Variants in LMNA observed in about 807,000 individuals in gnomAD.
The protein encoded by LMNA is lamin A/C, also known as lamin.
Under a neutral mutation model 70.4 loss-of-function variants are expected in LMNA, and 20 were observed. The ratio of observed to expected loss-of-function variants is 0.28; its 90% confidence interval spans 0.20 to 0.41. The LOEUF (loss-of-function observed/expected upper bound fraction) is 0.41, where lower values mean the gene tolerates loss of function less well. Ranked by LOEUF, LMNA falls within the 10% of genes least tolerant of loss-of-function variation. The pLI, the probability that LMNA is intolerant of heterozygous loss-of-function variation, is 1.00. For missense variants in LMNA, 652 were observed against 917.2 expected (o/e 0.71, Z 3.73); for synonymous variants, 339 against 372.8 (o/e 0.91, Z 1.04).
intron 1 of LMNA, among the ~76,000 whole-genome samples, chr1:156,127,431 T>A (rs566443804): frequency 1.3e-4 from 20 of 151,952 alleles, no homozygotes; most frequent in African/African-American, 4.6e-4. Flanking sequence ...CTGCAGGGTG[T>A]GTCTTAGTCC....
chr1:156,134,691 G>T lies in LMNA; in HGVS notation c.640-114G>T. The T allele has an allele frequency of 6.4e-7, 1 of 1,551,900 alleles. No homozygotes were observed. The highest frequency in any genetic ancestry group is 8.9e-7 in the Non-Finnish European group (1 of 1,126,408). On this transcript the variant is annotated intron_variant, in intron 3 of 11. Coordinates refer to ENST00000368300, the MANE Select transcript of LMNA (RefSeq NM_170707.4). This position sits in a 1 kb window ranked among gnomAD's most constrained non-coding sequence, Gnocchi z 5.3. ...AGCACTCAGCTCCCAGGTTAAAGTG[G>T]GGCTGGTAGTGGCTCATGGAGTAGG...
upstream of LMNA, among the ~76,000 whole-genome samples, chr1:156,111,359 G>A (rs1160844062): frequency 1.3e-5 from 2 of 150,830 alleles, no homozygotes; most frequent in Non-Finnish European, 3.0e-5. Context: ...TAAGGCAGGA[G>A]AAGCGCTTGA....
At chr1:156,126,764 C>T (rs913927042) in intron 1 of LMNA, 3 of 1,582,886 alleles carry the variant, frequency 1.9e-6, no homozygotes, top group East Asian at 2.3e-5. Context: ...GAGTTAGAAA[C>T]AGGATGCCCA....
upstream of LMNA, among the ~76,000 whole-genome samples, chr1:156,114,411 A>G (rs1349909678): frequency 6.7e-6 from 1 of 149,708 alleles, no homozygotes; most frequent in Non-Finnish European, 1.5e-5. Flanking sequence ...CCTTTTGCCC[A>G]CCCACTCTCC....
rs1050381477 is a variant in LMNA at position 156,135,461 on chromosome 1, G to A, written c.936+149G>A. The A allele has an allele frequency of 1.3e-5, 13 of 1,016,484 alleles. No individual in the cohort carries two copies. The highest frequency in any genetic ancestry group is 6.9e-5 in the South Asian group (5 of 72,148). 63.0% of individuals were successfully genotyped at this position (1,016,484 alleles called of 1,614,324 possible). A position where few individuals can be genotyped will look rare whatever the true frequency, so the allele number is the denominator to read the frequency against. On this transcript the variant is annotated intron_variant, in intron 5 of 11. Coordinates refer to ENST00000368300, the MANE Select transcript of LMNA (RefSeq NM_170707.4). This position sits in a 1 kb window ranked among gnomAD's most constrained non-coding sequence, Gnocchi z 4.8. ...GTCCCCACAACCACAGAGAAGGGTCGCAGGATGTGGAGTCAGATGGCCTGT... is the reference window on the plus strand; with the variant it reads ...GTCCCCACAACCACAGAGAAGGGTCACAGGATGTGGAGTCAGATGGCCTGT...
At chr1:156,106,328 T>A (rs951125341) in intron 3 of LMNA, among the ~76,000 whole-genome samples, 1 of 152,180 alleles carries the variant, frequency 6.6e-6, no homozygotes, top group African/African-American at 2.4e-5. Flanking sequence ...GAGGGGGCCC[T>A]CTCCTCCAGC....
Position 156,139,153 on chromosome 1 carries a change from T to G in LMNA, c.*47T>G. The stretch of plus-strand genomic sequence containing the variant: ...GTGGGGGTGGAGGCTTCCTGCGTCC[T>G]CCTCACCTCATGCCCACCCCCTGCC... On this transcript the variant is annotated 3_prime_UTR_variant, in exon 12 of 12. Transcript: ENST00000368300. The G allele has an allele frequency of 6.2e-7, 1 of 1,612,716 alleles. No individual in the cohort carries two copies. Among genetic ancestry groups the G allele is most frequent in the South Asian group, 1.1e-5 (1 of 91,066 alleles).
At chr1:156,128,610 G>C (rs929925012) in intron 1 of LMNA, among the ~76,000 whole-genome samples, 2 of 152,208 alleles carry the variant, frequency 1.3e-5, no homozygotes, top group African/African-American at 4.8e-5. Flanking sequence ...TTGTGGCTTA[G>C]GAAAGCAGTG....
upstream of LMNA, among the ~76,000 whole-genome samples, chr1:156,112,537 C>T (rs563066597): frequency 3.3e-5 from 5 of 152,308 alleles, no homozygotes; most frequent in East Asian, 9.6e-4. Context: ...GAACCCTTCC[C>T]TCACGTTTCA....
At chr1:156,122,866 G>T (rs1650291446) in intron 1 of LMNA, among the ~76,000 whole-genome samples, 1 of 152,214 alleles carries the variant, frequency 6.6e-6, no homozygotes, top group Non-Finnish European at 1.5e-5. Context: ...CTGGGAGGAG[G>T]TCTTGGCCCC....
chr1:156,119,487 C>T (rs1274962217), intron 1 of LMNA, among the ~76,000 whole-genome samples: 1 of 152,236 alleles, frequency 6.6e-6, no homozygotes, highest in Non-Finnish European at 1.5e-5. Context: ...CTCCTAGGCT[C>T]AAGTAATCCA....
chr1:156,138,161 C>T lies in LMNA; in HGVS notation c.1699-327C>T. 1 of 545,282 alleles carries T rather than the reference C, an allele frequency of 1.8e-6. No homozygotes were observed. The highest frequency in any genetic ancestry group is 3.3e-6 in the Non-Finnish European group (1 of 303,470). The allele number at this position is 545,282 out of a possible 1,614,324, so 33.8% of individuals were successfully genotyped here. A position where few individuals can be genotyped will look rare whatever the true frequency, so the allele number is the denominator to read the frequency against. ...CTCATTCCTGACCGCCCCTCCACTCCAATTAATAGTGCATGCCTGCTGCCC... is the reference window on the plus strand; with the variant it reads ...CTCATTCCTGACCGCCCCTCCACTCTAATTAATAGTGCATGCCTGCTGCCC... On this transcript the variant is annotated intron_variant, in intron 10 of 11. Transcript: ENST00000368300. The surrounding 1 kb of genome is among the most constrained non-coding windows in gnomAD (Gnocchi z 5.5).
Position 156,103,700 on chromosome 1 carries a change from T to C in LMNA, c.-206-11013T>C, listed in dbSNP as rs1410566815. Among the ~76,000 whole-genome samples the C allele has an allele frequency of 6.6e-6, 1 of 152,118 alleles. No homozygotes were observed. Among genetic ancestry groups the C allele is most frequent in the Non-Finnish European group, 1.5e-5 (1 of 68,004 alleles). ...TCTGACTAATCCTTTCCATCGGCAG[T>C]GGCATGTCCTGCCCCTGCTGTGCCT... On this transcript the variant is annotated intron_variant, in intron 3 of 12. Transcript: ENST00000368301. The surrounding 1 kb of genome is among the most constrained non-coding windows in gnomAD (Gnocchi z 4.7).
At position 156,137,487 on chromosome 1, in the gene LMNA, T is replaced by G. The variant is rs1002920791; in HGVS notation, c.1609-167T>G. Reference sequence around the variant, plus strand: ...CCCGGAGAGCTTGACAGTGTCCCTCTGGGGTGGAAATGAGTTCCTTAGCTC... The same window carrying G: ...CCCGGAGAGCTTGACAGTGTCCCTCGGGGGTGGAAATGAGTTCCTTAGCTC... On this transcript the variant is annotated intron_variant, in intron 9 of 11. Transcript: ENST00000368300. This position sits in a 1 kb window ranked among gnomAD's most constrained non-coding sequence, Gnocchi z 4.6. The G allele has an allele frequency of 6.3e-6, 5 of 797,934 alleles. No individual in the cohort carries two copies. Among genetic ancestry groups the G allele is most frequent in the Middle Eastern group, 5.0e-4 (2 of 4,024 alleles). 49.4% of individuals were successfully genotyped at this position (797,934 alleles called of 1,614,324 possible).
At position 156,138,089 on chromosome 1, in the gene LMNA, A is replaced by G; in HGVS notation, c.1698+346A>G. 2 of 521,216 alleles carry G rather than the reference A, an allele frequency of 3.8e-6. No individual in the cohort carries two copies. Among genetic ancestry groups the G allele is most frequent in the Non-Finnish European group, 6.9e-6 (2 of 288,468 alleles). The allele number at this position is 521,216 out of a possible 1,614,324, so 32.3% of individuals were successfully genotyped here. Reference sequence around the variant, plus strand: ...TGCCTCTCTCCCCCATTCTTGTTGCATGCATATCCTCTCATTTCCCTCATT... The same window carrying G: ...TGCCTCTCTCCCCCATTCTTGTTGCGTGCATATCCTCTCATTTCCCTCATT... On this transcript the variant is annotated intron_variant, in intron 10 of 11. Coordinates refer to ENST00000368300, the MANE Select transcript of LMNA (RefSeq NM_170707.4). The surrounding 1 kb of genome is among the most constrained non-coding windows in gnomAD (Gnocchi z 5.5).
In LMNA at chr1:156,137,768, C is replaced by A; in HGVS notation, c.1698+25C>A. The A allele has an allele frequency of 1.3e-6, 2 of 1,547,060 alleles. No homozygotes were observed. Among genetic ancestry groups the A allele is most frequent in the Non-Finnish European group, 1.7e-6 (2 of 1,146,932 alleles). On this transcript the variant is annotated intron_variant, in intron 10 of 11. Coordinates refer to ENST00000368300, the MANE Select transcript of LMNA (RefSeq NM_170707.4). The surrounding 1 kb of genome is among the most constrained non-coding windows in gnomAD (Gnocchi z 4.6). ...CGTGAGTGGTAGCCGCCGCTGAGGC[C>A]GAGCCTGCACTGGGGCCACCCAGCC...
intron 1 of LMNA, among the ~76,000 whole-genome samples, chr1:156,130,146 G>A (rs1049504316): frequency 6.6e-6 from 1 of 152,178 alleles, no homozygotes; most frequent in African/African-American, 2.4e-5. Flanking sequence ...GGCTCAGATC[G>A]AGAAGTGCTA....
At chr1:156,094,486 G>A (rs1218971165) in intron 3 of LMNA, among the ~76,000 whole-genome samples, 22 of 150,320 alleles carry the variant, frequency 1.5e-4, no homozygotes, top group Admixed American at 1.3e-3. Context: ...CTACAGAGGC[G>A]TGCCACCATG....
At position 156,132,975 on chromosome 1, in the gene LMNA, G is replaced by A. The variant is rs540873948; in HGVS notation, c.514-1428G>A. Among the ~76,000 whole-genome samples, 17 of 151,898 alleles carry A rather than the reference G, an allele frequency of 1.1e-4. No individual in the cohort carries two copies. In the East Asian group the frequency reaches 3.1e-3, roughly 28 times the overall value. ...CTGCCTCAGCCTCCCGAGTAGCTGG[G>A]ATTACAGGTGCCCACCACCATGCCC... On this transcript the variant is annotated intron_variant, in intron 2 of 11. Coordinates refer to ENST00000368300, the MANE Select transcript of LMNA (RefSeq NM_170707.4).
Sources: allele counts gnomAD v4.1 joint callset (sites outside exome capture counted in the v4.1 genomes callset), GRCh38; gene constraint gnomAD v4.1.1; non-coding constraint Gnocchi (gnomAD v3.1); transcripts MANE v1.5; gene names NCBI Gene and HGNC (gene_info 2026-07-23, HGNC 2026-07-21).